TENT2: variants seen among roughly 807,000 people sequenced by gnomAD.
TENT2 encodes poly(A) RNA polymerase GLD2.
TENT2 carries 44 observed loss-of-function variants against 72.2 expected under a neutral mutation model. The ratio of observed to expected loss-of-function variants is 0.61; its 90% CI spans 0.48 to 0.78. TENT2 has a LOEUF of 0.78. Among genes scored for constraint, TENT2 ranks in the 30% least tolerant of loss-of-function variants. The probability of loss-of-function intolerance (pLI) is 0.00; values close to 1 mark genes in which losing one functional copy is unlikely to be tolerated. For missense variants in TENT2, 541 were observed against 569.6 expected (o/e 0.95, Z 0.51); for synonymous variants, 212 against 192.5 (o/e 1.10, Z -0.84).
chr5:79,686,037 G>T lies in TENT2; in HGVS notation c.*764G>T, dbSNP rs1217390424. ...GAAAAGATTGTTTCCTGTGCTTTAC[G>T]ATAGCTTAGTGCAATGTGCACTTCT... On this transcript the variant is annotated 3_prime_UTR_variant, in exon 15 of 15. Transcript: ENST00000453514. 1 of 152,504 alleles carries T rather than the reference G, an allele frequency of 6.6e-6. No individual in the cohort carries two copies. Among genetic ancestry groups the T allele is most frequent in the Non-Finnish European group, 1.5e-5 (1 of 68,008 alleles). 9.4% of individuals were successfully genotyped at this position (152,504 alleles called of 1,614,324 possible).
In TENT2 at chr5:79,679,563, G is replaced by C; in HGVS notation, c.1209-16G>C. ...TATGAAAATAGTTAACATGGTTACT[G>C]TTTTTCTTCTTATAGCTGGAATAGT... On this transcript the variant is annotated splice_polypyrimidine_tract_variant and intron_variant, in intron 12 of 14. Transcript: ENST00000453514. 6.5e-7 allele frequency: 1 copy of C among 1,549,084 alleles called. No individual in the cohort carries two copies. The highest frequency in any genetic ancestry group is 8.8e-7 in the Non-Finnish European group (1 of 1,136,156).
At chr5:79,627,772 AC>A (rs1771602908) in intron 4 of TENT2, among the ~76,000 whole-genome samples, 1 of 152,202 alleles carries the variant, frequency 6.6e-6, no homozygotes, top group South Asian at 2.1e-4. Context: ...GGTGTGATCC[AC>A]CACGCCTGGC....
chr5:79,638,402 A>T (rs1199970199), intron 4 of TENT2, among the ~76,000 whole-genome samples: 2 of 151,710 alleles, frequency 1.3e-5, no homozygotes, highest in East Asian at 3.9e-4. Flanking sequence ...TTTTCTCCTG[A>T]TGGCTCTGTA....
At chr5:79,638,273 C>G (rs964701711) in intron 4 of TENT2, among the ~76,000 whole-genome samples, 2 of 152,086 alleles carry the variant, frequency 1.3e-5, no homozygotes, top group South Asian at 4.1e-4. Flanking sequence ...CGGTGACATC[C>G]TGGCGTCTAC....
rs755590784 is a variant in TENT2, at chr5:79,685,298, C to T, written c.*25C>T. On this transcript the variant is annotated 3_prime_UTR_variant, in exon 15 of 15. Coordinates refer to ENST00000453514, the MANE Select transcript of TENT2 (RefSeq NM_001114394.3). ...ACTGGCCTCTATTTCTTAATAAATT[C>T]TTCCAAGAAATAAAGAACAATAGTT... 2 of 1,495,952 alleles carry T rather than the reference C, an allele frequency of 1.3e-6. No homozygotes were observed. Among genetic ancestry groups the T allele is most frequent in the South Asian group, 2.5e-5 (2 of 81,548 alleles). The allele number at this position is 1,495,952 out of a possible 1,614,324, so 92.7% of individuals were successfully genotyped here.
At position 79,649,042 on chromosome 5, in the gene TENT2, A is replaced by T; in HGVS notation, c.899-20A>T. On this transcript the variant is annotated intron_variant, in intron 9 of 14. Transcript: ENST00000453514. ...AACTATAACGTCTCTTACCATGTTA[A>T]GTTTTAATTTTACTTTCAGTTGAAA... 5 of 1,610,972 alleles carry T rather than the reference A, an allele frequency of 3.1e-6. No individual in the cohort carries two copies. The highest frequency in any genetic ancestry group is 4.2e-6 in the Non-Finnish European group (5 of 1,177,910).
At chr5:79,644,609 AGCACAATAATTGG>A (rs1787270943) in intron 7 of TENT2, 1 of 152,256 alleles carries the variant, frequency 6.6e-6, no homozygotes, top group African/African-American at 2.4e-5. Flanking sequence ...TTTGTATAAT[AGCACAATAATTGG>A]TGTTCACTAA....
intron 13 of TENT2, 72 bp from the exon 14 acceptor site, chr5:79,681,910 A>G (rs1822297211): frequency 7.7e-7 from 1 of 1,291,326 alleles, no homozygotes; most frequent in Non-Finnish European, 1.1e-6. Context: ...TATTGACAGT[A>G]TCAAACCTAA....
intron 10 of TENT2, among the ~76,000 whole-genome samples, chr5:79,655,542 A>C (rs1484061587): frequency 6.6e-6 from 1 of 152,064 alleles, no homozygotes; most frequent in Non-Finnish European, 1.5e-5. Context: ...AAGATTTTCC[A>C]ATTTGACTTC....
intron 4 of TENT2, among the ~76,000 whole-genome samples, chr5:79,628,670 G>A (rs1298696213): frequency 1.3e-5 from 2 of 152,194 alleles, no homozygotes; most frequent in East Asian, 3.9e-4. Flanking sequence ...GATTTGGGGT[G>A]TATAGGCTGA....
At chr5:79,652,700 T>G (rs1795081310) in intron 10 of TENT2, among the ~76,000 whole-genome samples, 1 of 152,136 alleles carries the variant, frequency 6.6e-6, no homozygotes, top group African/African-American at 2.4e-5. Context: ...GTCTTGAATA[T>G]ATACTGGTTT....
intron 14 of TENT2, among the ~76,000 whole-genome samples, chr5:79,684,870 C>G (rs912615607): frequency 4.1e-5 from 6 of 146,864 alleles, no homozygotes; most frequent in Non-Finnish European, 7.4e-5. Context: ...CCAGCCTGGG[C>G]AATACAATGA....
Position 79,649,167 on chromosome 5 carries a change from T to C in TENT2, c.1004T>C (p.Leu335Ser). 6.2e-7 allele frequency: 1 copy of C among 1,613,238 alleles called. No individual in the cohort carries two copies. Among genetic ancestry groups the C allele is most frequent in the East Asian group, 2.2e-5 (1 of 44,838 alleles). ...RGTLSSYSLV[L>S]MVLHYLQTLP... ...ACTTTAAGCAGCTATAGTCTTGTAT[T>C]GATGGTTTTGCACTATTTACAAAGT... The change falls in exon 10 of 15, where the codon TTG becomes TCG. Residue 335 changes from leucine (L) to serine (S), a missense_variant. By Grantham distance (145) the Leu-to-Ser change is moderately radical. Transcript: ENST00000453514.
At chr5:79,627,073 TGAGCCGAGATCATGCCA>T in intron 4 of TENT2, among the ~76,000 whole-genome samples, 2 of 148,964 alleles carry the variant, frequency 1.3e-5, no homozygotes, top group Admixed American at 1.3e-4. Context: ...GAGGTTACAG[TGAGCCGAGATCATGCCA>T]CTGCCGTCCA....
At chr5:79,635,615 C>T (rs982363197) in intron 4 of TENT2, among the ~76,000 whole-genome samples, 5 of 151,984 alleles carry the variant, frequency 3.3e-5, no homozygotes, top group African/African-American at 4.8e-5. Flanking sequence ...AGTGCAGTTG[C>T]GCGATCTCGG....
intron 11 of TENT2, among the ~76,000 whole-genome samples, chr5:79,668,441 AC>A (rs1015285469): frequency 6.6e-6 from 1 of 152,150 alleles, no homozygotes; most frequent in African/African-American, 2.4e-5. Context: ...AGTTACTCTT[AC>A]GGCCTTTGGG....
At chr5:79,669,889 T>G (rs918825910) in intron 12 of TENT2, among the ~76,000 whole-genome samples, 4 of 152,036 alleles carry the variant, frequency 2.6e-5, no homozygotes, top group African/African-American at 9.7e-5. Flanking sequence ...CAGTGAAGCA[T>G]AGAGAGAGGG....
At chr5:79,633,432 G>GTTTTTTT (rs539713889) in intron 4 of TENT2, among the ~76,000 whole-genome samples, 22 of 80,350 alleles carry the variant, frequency 2.7e-4, no homozygotes, top group East Asian at 8.1e-4. Context: ...CAGCTAAAAA[G>GTTTTTTT]TTTTTTTTTT....
At chr5:79,679,557 G>A (rs769161785) in intron 12 of TENT2, 22 bp from the exon 13 acceptor site, 23 of 1,508,226 alleles carry the variant, frequency 1.5e-5, no homozygotes, top group East Asian at 2.3e-5. Context: ...AGTTAACATG[G>A]TTACTGTTTT....
Sources: gnomAD v4.1 joint callset for allele counts (sites outside exome capture counted in the v4.1 genomes callset) on GRCh38, gnomAD v4.1.1 for gene constraint, MANE v1.5 for transcripts, NCBI Gene and HGNC (gene_info 2026-07-23, HGNC 2026-07-21) for gene names.